The following PRLR variants were observed in gnomAD, a reference collection of about 807,000 sequenced individuals.
The protein encoded by PRLR is hPRL receptor.
Under a neutral mutation model 40.2 loss-of-function variants are expected in PRLR, and 13 were observed. The observed-to-expected ratio is 0.32, with a 90% confidence interval of 0.21 to 0.51. The LOEUF is 0.51. Ranked by LOEUF, PRLR falls within the 20% of genes least tolerant of loss-of-function variation. The pLI is 0.97. For missense variants in PRLR, 656 were observed against 747.3 expected, an observed-to-expected ratio of 0.88 and a Z score of 1.42; for synonymous variants, 269 against 278.7, an observed-to-expected ratio of 0.97 and a Z score of 0.35.
rs1008317272 is a variant in PRLR at position 35,060,400 on chromosome 5, G to A, written c.*4689C>T. ...ACAGATCTCTGTTTTTCTCTGAAGC[G>A]TTGTCACACAATCTCATGTGCTCAC... On this transcript the variant is annotated 3_prime_UTR_variant, in exon 10 of 10. Coordinates refer to ENST00000618457, the MANE Select transcript of PRLR (RefSeq NM_000949.7). The A allele has an allele frequency of 2.6e-5, 4 of 152,284 alleles. 1 individual carries two copies. The highest frequency in any genetic ancestry group is 2.1e-4 in the South Asian group (1 of 4,818). 9.4% of individuals were successfully genotyped at this position (152,284 alleles called of 1,614,324 possible). A position where few individuals can be genotyped will look rare whatever the true frequency, so the allele number is the denominator to read the frequency against.
chr5:35,080,826 T>C (rs1770462545), intron 5 of PRLR, among the ~76,000 whole-genome samples: 1 of 151,754 alleles, frequency 6.6e-6, no homozygotes, highest in Non-Finnish European at 1.5e-5. Flanking sequence ...ATTAAGAAAA[T>C]GTGGCACTTA....
chr5:35,158,152 T>C (rs1333395786), intron 1 of PRLR, among the ~76,000 whole-genome samples: 1 of 152,218 alleles, frequency 6.6e-6, no homozygotes, highest in Non-Finnish European at 1.5e-5. Context: ...CTCTTATTCC[T>C]GTTGTCTTTG....
At chr5:35,079,590 C>A (rs1489995045) in intron 5 of PRLR, among the ~76,000 whole-genome samples, 1 of 152,182 alleles carries the variant, frequency 6.6e-6, no homozygotes, top group Non-Finnish European at 1.5e-5. Flanking sequence ...ATTCCATGCT[C>A]ATGGATAGGA....
chr5:35,118,751 G>C (rs1773161159), intron 1 of PRLR, among the ~76,000 whole-genome samples: 1 of 151,886 alleles, frequency 6.6e-6, no homozygotes, highest in African/African-American at 2.4e-5. Context: ...TGACTAGCCT[G>C]AGTCTCGGAG....
intron 1 of PRLR, among the ~76,000 whole-genome samples, chr5:35,129,352 A>G (rs1464311759): frequency 1.3e-5 from 2 of 152,196 alleles, no homozygotes; most frequent in African/African-American, 4.8e-5. Context: ...TGAAATCTCA[A>G]TCCAGTTTCT....
intron 2 of PRLR, among the ~76,000 whole-genome samples, chr5:35,107,576 C>T (rs1772349530): frequency 6.6e-6 from 1 of 151,956 alleles, no homozygotes; most frequent in South Asian, 2.1e-4. Flanking sequence ...TACAAACTAC[C>T]ATCAGAAAAT....
intron 1 of PRLR, chr5:35,135,158 CTTT>C (rs1773815538): frequency 6.7e-6 from 1 of 150,272 alleles, no homozygotes; most frequent in Non-Finnish European, 1.5e-5. Context: ...ACAAATACTT[CTTT>C]ATCATTCAGT....
At chr5:35,169,150 G>A (rs1774929281) in intron 1 of PRLR, among the ~76,000 whole-genome samples, 1 of 152,100 alleles carries the variant, frequency 6.6e-6, no homozygotes, top group Admixed American at 6.6e-5. Context: ...CAAGAACAAC[G>A]AAGAACTGAA....
chr5:35,096,868 C>T lies in PRLR; in HGVS notation c.-43-7205G>A, dbSNP rs182490281. ...CTCCTGGTCTCAAGTGATCTGCCCA[C>T]CTCAACCTCCCAAAGTGCTGGGATT... On this transcript the variant is annotated intron_variant, in intron 2 of 9. Transcript: ENST00000618457. Among the ~76,000 whole-genome samples the T allele has an allele frequency of 8.7e-4, 133 of 152,306 alleles. 1 individual carries two copies. The highest frequency in any genetic ancestry group is 3.1e-3 in the African/African-American group (129 of 41,556).
At chr5:35,053,425 G>A (rs370737335), downstream of PRLR, among the ~76,000 whole-genome samples, 33 of 152,284 alleles carry the variant, frequency 2.2e-4, no homozygotes, top group South Asian at 5.0e-3. Context: ...GGCCGAGGCC[G>A]GCGGATCACC....
chr5:35,086,174 G>T (rs751467413), intron 4 of PRLR, 34 bp downstream of exon 4: 3 of 1,611,976 alleles, frequency 1.9e-6, no homozygotes, highest in Non-Finnish European at 8.5e-7. Context: ...GAGTACTCAT[G>T]TGGGGTTTCA....
In PRLR at chr5:35,065,678, C is replaced by A. The variant is rs763743684; in HGVS notation, c.1280G>T (p.Arg427Ile). Residue 427 changes from arginine (R) to isoleucine (I), a missense_variant, in exon 10 of 10, where the codon AGA becomes ATA. This residue lies in a region of PRLR where 469 missense variants were observed against 491.5 expected (regional missense o/e 0.95). Transcript: ENST00000618457. ...PLPQPSQHNP[R>I]SSYHNITDVC... is the part of the protein sequence containing the mutation. Reference sequence around the variant, plus strand: ...ATCAGTAATATTGTGGTAAGAGGATCTGGGGTTGTGCTGGCTGGGCTGTGG... The same window carrying A: ...ATCAGTAATATTGTGGTAAGAGGATATGGGGTTGTGCTGGCTGGGCTGTGG... The A allele has an allele frequency of 1.9e-6, 3 of 1,614,020 alleles. No homozygotes were observed. Among genetic ancestry groups the A allele is most frequent in the Non-Finnish European group, 2.5e-6 (3 of 1,180,028 alleles).
At chr5:35,192,550 T>A (rs1775635452) in intron 1 of PRLR, among the ~76,000 whole-genome samples, 1 of 152,086 alleles carries the variant, frequency 6.6e-6, no homozygotes, top group Non-Finnish European at 1.5e-5. Context: ...ATTTGGGAGG[T>A]GTGAGAGTCA....
chr5:35,152,715 ATT>A (rs1204519122), intron 1 of PRLR: 2 of 152,214 alleles, frequency 1.3e-5, no homozygotes, highest in Non-Finnish European at 2.9e-5. Context: ...GAGCATGCAT[ATT>A]TTTAGTTTGC....
intron 1 of PRLR, among the ~76,000 whole-genome samples, chr5:35,119,469 T>G (rs1773203681): frequency 6.6e-6 from 1 of 151,844 alleles, no homozygotes; most frequent in South Asian, 2.1e-4. Flanking sequence ...CTGGAAGTCT[T>G]TACAATCAGA....
At chr5:35,090,791 C>CTTTTT (rs554800498) in intron 2 of PRLR, among the ~76,000 whole-genome samples, 1 of 59,156 alleles carries the variant, frequency 1.7e-5, no homozygotes, top group Non-Finnish European at 3.8e-5. Context: ...TCAATTAGCT[C>CTTTTT]TTTTTTTTTT....
chr5:35,206,544 G>T (rs1466247649), intron 1 of PRLR, among the ~76,000 whole-genome samples: 6 of 152,078 alleles, frequency 3.9e-5, no homozygotes, highest in African/African-American at 1.4e-4. Flanking sequence ...ACTGAGGAAA[G>T]GTTGGAAGGA....
intron 3 of PRLR, among the ~76,000 whole-genome samples, chr5:35,089,098 C>T (rs536024639): frequency 1.4e-4 from 21 of 152,328 alleles, no homozygotes; most frequent in Non-Finnish European, 1.9e-4. Context: ...GTCGGCTGTA[C>T]CTGCTTCCCG....
chr5:35,143,695 T>C (rs1774088366), intron 1 of PRLR, among the ~76,000 whole-genome samples: 1 of 152,174 alleles, frequency 6.6e-6, no homozygotes, highest in South Asian at 2.1e-4. Flanking sequence ...GTTAAATGAA[T>C]GAAAGAATTA....
Sources: gnomAD v4.1 joint callset for allele counts (sites outside exome capture counted in the v4.1 genomes callset) on GRCh38, gnomAD v4.1.1 for gene constraint, gnomAD v4.1.1 regional missense constraint, MANE v1.5 for transcripts, NCBI Gene and HGNC (gene_info 2026-07-23, HGNC 2026-07-21) for gene names.